HIVEP3: variants seen among roughly 807,000 people sequenced by gnomAD.
HIVEP3 encodes the protein transcription factor HIVEP3.
Under a neutral mutation model 152.8 loss-of-function variants are expected in HIVEP3, and 49 were observed. The ratio of observed to expected loss-of-function variants is 0.32; its 90% CI spans 0.26 to 0.41. The LOEUF (loss-of-function observed/expected upper bound fraction) is 0.41, where lower values mean the gene tolerates loss of function less well. Among genes scored for constraint, HIVEP3 ranks in the 10% least tolerant of loss-of-function variants. The pLI is 1.00. For missense variants in HIVEP3, 2,790 were observed against 3,103.3 expected (o/e 0.90, Z 2.40); for synonymous variants, 1,269 against 1,289.0 (o/e 0.98, Z 0.33).
intron 5 of HIVEP3, among the ~76,000 whole-genome samples, chr1:41,566,387 C>A (rs1369471916): frequency 6.6e-6 from 1 of 152,158 alleles, no homozygotes; most frequent in Non-Finnish European, 1.5e-5. Flanking sequence ...CCTGCAGGTC[C>A]CCAGGGCTTT....
At chr1:41,630,247 T>C (rs1303237349) in intron 2 of HIVEP3, among the ~76,000 whole-genome samples, 6 of 151,938 alleles carry the variant, frequency 3.9e-5, no homozygotes, top group African/African-American at 1.5e-4. Context: ...GACATAAAGA[T>C]GGGAACGACA....
chr1:41,678,146 AG>A (rs955096875), intron 2 of HIVEP3, among the ~76,000 whole-genome samples: 2 of 152,184 alleles, frequency 1.3e-5, no homozygotes, highest in African/African-American at 4.8e-5. Context: ...GTGGTTTGCA[AG>A]GCGATTCTCC....
At chr1:41,995,560 T>C (rs1645391215) in intron 1 of HIVEP3, among the ~76,000 whole-genome samples, 1 of 151,970 alleles carries the variant, frequency 6.6e-6, no homozygotes, top group African/African-American at 2.4e-5. Flanking sequence ...TGAGATACAA[T>C]AAGAAAAGCA....
At chr1:41,614,838 G>C (rs1392219933) in intron 3 of HIVEP3, among the ~76,000 whole-genome samples, 1 of 152,170 alleles carries the variant, frequency 6.6e-6, no homozygotes, top group Non-Finnish European at 1.5e-5. Flanking sequence ...TGATACGCTG[G>C]CCAGTTCCTC....
At chr1:41,560,914 A>C (rs1644050178) in intron 5 of HIVEP3, among the ~76,000 whole-genome samples, 1 of 152,200 alleles carries the variant, frequency 6.6e-6, no homozygotes, top group Non-Finnish European at 1.5e-5. Flanking sequence ...ACCAGGGTAC[A>C]CGGCCACGGT....
At chr1:41,976,951 C>CTGTGCA (rs1645262705) in intron 1 of HIVEP3, among the ~76,000 whole-genome samples, 1 of 152,228 alleles carries the variant, frequency 6.6e-6, no homozygotes, top group Non-Finnish European at 1.5e-5. Flanking sequence ...TGCAACCATA[C>CTGTGCA]ACTGCTGTTG....
chr1:41,532,304 G>A (rs973176009), intron 5 of HIVEP3, among the ~76,000 whole-genome samples: 2 of 150,018 alleles, frequency 1.3e-5, no homozygotes, highest in African/African-American at 2.5e-5. Flanking sequence ...GCACAGGAGA[G>A]AAGGGAGGAC....
upstream of HIVEP3, among the ~76,000 whole-genome samples, chr1:41,920,330 G>A (rs7526203): frequency 0.037 from 5,563 of 152,124 alleles, 317 homozygotes; most frequent in African/African-American, 0.13. Context: ...CTACCACAGA[G>A]AGCCTGTCAC....
rs112021695 is a variant in HIVEP3, at chr1:41,704,300, C to T, written c.-800-3305G>A. Reference sequence around the variant, plus strand: ...GGACTCATTTGCATAGCCCAGGCTCCACCTTCTAGGCCAAAAGGCTGCTAT... The same window carrying T: ...GGACTCATTTGCATAGCCCAGGCTCTACCTTCTAGGCCAAAAGGCTGCTAT... On this transcript the variant is annotated intron_variant, in intron 1 of 8. Coordinates refer to ENST00000372583, the MANE Select transcript of HIVEP3 (RefSeq NM_024503.5). Among the ~76,000 whole-genome samples the T allele has an allele frequency of 7.2e-3, 1,095 of 152,352 alleles. 19 individuals are homozygous for T. The highest frequency in any genetic ancestry group is 0.025 in the African/African-American group (1,047 of 41,570).
At chr1:41,613,042 G>A (rs1309810749) in intron 3 of HIVEP3, among the ~76,000 whole-genome samples, 1 of 152,234 alleles carries the variant, frequency 6.6e-6, no homozygotes, top group Admixed American at 6.5e-5. Context: ...ACCTGGACAG[G>A]GCAGAGGATT....
intron 1 of HIVEP3, among the ~76,000 whole-genome samples, chr1:41,824,822 G>GAGAGAGAGAGAA (rs1642745927): frequency 1.4e-5 from 1 of 73,866 alleles, no homozygotes; most frequent in Non-Finnish European, 2.9e-5. Flanking sequence ...GAGAGAGAAA[G>GAGAGAGAGAGAA]AGAGAGAGAG....
intron 6 of HIVEP3, among the ~76,000 whole-genome samples, chr1:41,521,920 AC>A (rs1206696004): frequency 6.6e-6 from 1 of 151,918 alleles, no homozygotes; most frequent in African/African-American, 2.4e-5. Context: ...AGGAAATGGG[AC>A]CCCCAGCCAC....
chr1:41,930,393 T>C (rs538500286), intron 1 of HIVEP3, among the ~76,000 whole-genome samples: 33 of 152,346 alleles, frequency 2.2e-4, no homozygotes, highest in African/African-American at 6.0e-4. Context: ...TTTTTGGGTC[T>C]GGATTCTTTC....
intron 1 of HIVEP3, among the ~76,000 whole-genome samples, chr1:41,997,546 T>C (rs1226191291): frequency 6.6e-6 from 1 of 152,226 alleles, no homozygotes; most frequent in African/African-American, 2.4e-5. Flanking sequence ...TACTTTATAT[T>C]TATTCCTAAC....
chr1:41,636,061 T>C (rs1415344085), intron 2 of HIVEP3, among the ~76,000 whole-genome samples: 4 of 152,248 alleles, frequency 2.6e-5, no homozygotes, highest in Non-Finnish European at 5.9e-5. Context: ...ATTAAGAACC[T>C]ACTATGTGCT....
intron 2 of HIVEP3, among the ~76,000 whole-genome samples, chr1:41,675,116 G>A (rs905228847): frequency 5.9e-5 from 9 of 152,144 alleles, no homozygotes; most frequent in South Asian, 2.1e-4. Context: ...GCTTTAATCC[G>A]TACCCCTGTG....
chr1:41,515,539 G>C (rs1231505349), intron 7 of HIVEP3, among the ~76,000 whole-genome samples: 2 of 152,184 alleles, frequency 1.3e-5, no homozygotes, highest in African/African-American at 2.4e-5. Context: ...TGTTCACCTG[G>C]CCCTGCCCCT....
At chr1:42,027,756 G>C (rs1312899545) in intron 1 of HIVEP3, among the ~76,000 whole-genome samples, 4 of 152,172 alleles carry the variant, frequency 2.6e-5, no homozygotes, top group Non-Finnish European at 4.4e-5. Context: ...GGAGGTAAAA[G>C]GCACTTCTTA....
At chr1:41,722,192 A>G (rs1470609848) in intron 1 of HIVEP3, among the ~76,000 whole-genome samples, 2 of 152,140 alleles carry the variant, frequency 1.3e-5, no homozygotes, top group Non-Finnish European at 2.9e-5. Context: ...GTGGACCACA[A>G]TCAGCTTTGT....
Sources: allele counts gnomAD v4.1 joint callset (sites outside exome capture counted in the v4.1 genomes callset), GRCh38; gene constraint gnomAD v4.1.1; transcripts MANE v1.5; gene names NCBI Gene and HGNC (gene_info 2026-07-23, HGNC 2026-07-21).